Variants in NRG2 observed in about 807,000 individuals in gnomAD.
The protein encoded by NRG2 is neuregulin 2, also known as pro-neuregulin-2, membrane-bound isoform.
Under a neutral mutation model 73.9 loss-of-function variants are expected in NRG2, and 27 were observed. The ratio of observed to expected loss-of-function variants is 0.37; its 90% confidence interval spans 0.27 to 0.50. The LOEUF is 0.50. Ranked by LOEUF, NRG2 falls within the 20% of genes least tolerant of loss-of-function variation. The probability of loss-of-function intolerance (pLI) is 0.96; values close to 1 mark genes in which losing one functional copy is unlikely to be tolerated. For missense variants in NRG2, 1,126 were observed against 1,210.1 expected, an observed-to-expected ratio of 0.93 and a Z score of 1.03; for synonymous variants, 532 against 541.0, an observed-to-expected ratio of 0.98 and a Z score of 0.23.
chr5:139,907,056 G>A (rs1765282688), intron 1 of NRG2, among the ~76,000 whole-genome samples: 1 of 152,156 alleles, frequency 6.6e-6, no homozygotes, highest in Non-Finnish European at 1.5e-5. Flanking sequence ...GTGTGCACAT[G>A]GGTGTGTATG....
At chr5:139,968,753 C>T (rs1437726897) in intron 1 of NRG2, among the ~76,000 whole-genome samples, 2 of 152,264 alleles carry the variant, frequency 1.3e-5, no homozygotes, top group East Asian at 3.8e-4. Flanking sequence ...CAGGACTCAG[C>T]AAGCCCAGCA....
In NRG2 at chr5:139,853,792, G is replaced by C. The variant is rs1300828825; in HGVS notation, c.1293-765C>G. ...GCTGGGAAAGGAAGTGGGGGGTTGG[G>C]AGGGAGGTGGGGATGGTTCATGGGT... On this transcript the variant is annotated intron_variant, in intron 6 of 9. Transcript: ENST00000361474. The surrounding 1 kb of genome is among the most constrained non-coding windows in gnomAD (Gnocchi z 4.1). 1.3e-5 allele frequency among the ~76,000 whole-genome samples: 2 copies of C among 152,146 alleles called. No homozygotes were observed. Among genetic ancestry groups the C allele is most frequent in the Non-Finnish European group, 2.9e-5 (2 of 68,018 alleles).
In NRG2 at chr5:140,008,675, A is replaced by G. The variant is rs190998435; in HGVS notation, c.700+33695T>C. 8.1e-4 allele frequency among the ~76,000 whole-genome samples: 123 copies of G among 152,358 alleles called. No individual in the cohort carries two copies. The highest frequency in any genetic ancestry group is 1.4e-3 in the Non-Finnish European group (93 of 68,036). On this transcript the variant is annotated intron_variant, in intron 1 of 9. Transcript: ENST00000361474. The surrounding 1 kb of genome is among the most constrained non-coding windows in gnomAD (Gnocchi z 4.2). ...CATTAAATGCCAACTTAAAACCTAGAATATAAGAGAATGCTTATTTATCCC... is the reference window on the plus strand; with the variant it reads ...CATTAAATGCCAACTTAAAACCTAGGATATAAGAGAATGCTTATTTATCCC...
intron 1 of NRG2, among the ~76,000 whole-genome samples, chr5:139,960,313 G>A (rs186631541): frequency 3.3e-5 from 5 of 152,270 alleles, no homozygotes; most frequent in Admixed American, 6.5e-5. Context: ...TCGGGAGTTC[G>A]AGACCAGCCC....
chr5:140,007,812 G>A (rs1331554547), intron 1 of NRG2, among the ~76,000 whole-genome samples: 1 of 152,134 alleles, frequency 6.6e-6, no homozygotes, highest in African/African-American at 2.4e-5. Context: ...GTGACCTTGG[G>A]CCCAATTTAG....
In NRG2 at chr5:139,848,631, C is replaced by G. The variant is rs766544785; in HGVS notation, c.1839G>C (p.Thr613=). 1 of 1,577,286 alleles carries G rather than the reference C, an allele frequency of 6.3e-7. No individual in the cohort carries two copies. Among genetic ancestry groups the G allele is most frequent in the Admixed American group, 1.7e-5 (1 of 58,364 alleles). ...SPVDFHYSLA[T]QVPTFEITSP... is the part of the protein sequence containing the mutation. ...ACGTGATCTCGAAAGTTGGCACCTG[C>G]GTGGCCAGCGAGTAGTGGAAGTCCA... The change falls in exon 10 of 10, where the codon ACG becomes ACC. Residue 613 remains threonine (T), a synonymous_variant. Transcript: ENST00000361474.
chr5:140,001,510 T>C (rs998900538), intron 1 of NRG2, among the ~76,000 whole-genome samples: 5 of 152,188 alleles, frequency 3.3e-5, no homozygotes, highest in Non-Finnish European at 7.3e-5. Context: ...AAAGCAGATA[T>C]AATTCATTCT....
intron 3 of NRG2, among the ~76,000 whole-genome samples, chr5:139,879,349 G>T (rs1763382264): frequency 6.6e-6 from 1 of 152,198 alleles, no homozygotes; most frequent in South Asian, 2.1e-4. Context: ...CCAAGGAGTG[G>T]CCCAGGAGTG....
intron 1 of NRG2, among the ~76,000 whole-genome samples, chr5:139,909,512 C>A (rs1765453829): frequency 6.6e-6 from 1 of 152,224 alleles, no homozygotes; most frequent in Non-Finnish European, 1.5e-5. Flanking sequence ...TGAACCCACT[C>A]TCTCCATCCC....
intron 1 of NRG2, among the ~76,000 whole-genome samples, chr5:140,005,248 G>A (rs996685954): frequency 6.6e-6 from 1 of 152,174 alleles, no homozygotes; most frequent in Admixed American, 6.5e-5. Flanking sequence ...CAAAGGACCT[G>A]ATAATAGGTC....
chr5:139,917,211 A>G (rs549081142), intron 1 of NRG2, among the ~76,000 whole-genome samples: 1 of 152,190 alleles, frequency 6.6e-6, no homozygotes, highest in East Asian at 1.9e-4. Flanking sequence ...GTACAATTCA[A>G]TGGTTTTTGG....
intron 1 of NRG2, among the ~76,000 whole-genome samples, chr5:139,950,421 CT>C (rs1267816216): frequency 6.6e-6 from 1 of 152,198 alleles, no homozygotes; most frequent in African/African-American, 2.4e-5. Flanking sequence ...AGAAAATTCC[CT>C]GATGTTAAGA....
chr5:140,042,701 C>T lies in NRG2; in HGVS notation c.369G>A (p.Gln123=), dbSNP rs772241738. Reference sequence around the variant, plus strand: ...CCACCACCACGGGTGCCTTGTACGCCTGGTCCTGCACTGACTTGAGGCTGG... The same window carrying T: ...CCACCACCACGGGTGCCTTGTACGCTTGGTCCTGCACTGACTTGAGGCTGG... The part of the protein sequence containing the change: ...YSPSLKSVQD[Q]AYKAPVVVEG... The change falls in exon 1 of 10, where the codon CAG becomes CAA. Residue 123 remains glutamine, a synonymous_variant. Coordinates refer to ENST00000361474, the MANE Select transcript of NRG2 (RefSeq NM_004883.3). The T allele has an allele frequency of 2.5e-6, 4 of 1,579,250 alleles. No homozygotes were observed. The highest frequency in any genetic ancestry group is 2.6e-6 in the Non-Finnish European group (3 of 1,163,022).
At chr5:139,921,110 T>C (rs1751625410) in intron 1 of NRG2, among the ~76,000 whole-genome samples, 1 of 152,156 alleles carries the variant, frequency 6.6e-6, no homozygotes, top group Non-Finnish European at 1.5e-5. Flanking sequence ...ACTAAGTAAA[T>C]GGAGAGATAT....
At chr5:139,863,895 G>A (rs1762308343) in intron 5 of NRG2, among the ~76,000 whole-genome samples, 1 of 152,202 alleles carries the variant, frequency 6.6e-6, no homozygotes, top group African/African-American at 2.4e-5. Flanking sequence ...GTGGGGTTGG[G>A]GTGGGGAGTA....
chr5:140,020,457 G>GT (rs1760130623), intron 1 of NRG2, among the ~76,000 whole-genome samples: 1 of 152,200 alleles, frequency 6.6e-6, no homozygotes, highest in Non-Finnish European at 1.5e-5. Context: ...AACATAAACT[G>GT]TTAACCAAAA....
chr5:139,984,518 T>C (rs1757025986), intron 1 of NRG2, among the ~76,000 whole-genome samples: 1 of 152,242 alleles, frequency 6.6e-6, no homozygotes. Context: ...AAAGCGAGCA[T>C]AATTTCCAAG....
chr5:139,928,909 C>T (rs1385237368), intron 1 of NRG2, among the ~76,000 whole-genome samples: 2 of 152,204 alleles, frequency 1.3e-5, no homozygotes, highest in Admixed American at 6.5e-5. Flanking sequence ...CAATGTTCGT[C>T]TAACACATTT....
chr5:139,925,239 C>T (rs566616112), intron 1 of NRG2, among the ~76,000 whole-genome samples: 1 of 152,302 alleles, frequency 6.6e-6, no homozygotes, highest in East Asian at 1.9e-4. Context: ...AAGCTAATGT[C>T]CTGTGTTCTG....
Sources: gnomAD v4.1 joint callset for allele counts (sites outside exome capture counted in the v4.1 genomes callset) on GRCh38, gnomAD v4.1.1 for gene constraint, Gnocchi (gnomAD v3.1) non-coding constraint, MANE v1.5 for transcripts, NCBI Gene and HGNC (gene_info 2026-07-23, HGNC 2026-07-21) for gene names.